UBP1: variants seen among roughly 807,000 people sequenced by gnomAD.
UBP1 encodes the protein upstream-binding protein 1.
In UBP1, 22 loss-of-function variants were observed where a neutral mutation model predicts 76.1. The ratio of observed to expected loss-of-function variants is 0.29; its 90% CI spans 0.21 to 0.41. The LOEUF (loss-of-function observed/expected upper bound fraction) is 0.41. Ranked by LOEUF, UBP1 falls within the 10% of genes least tolerant of loss-of-function variation. The pLI, the probability that UBP1 is intolerant of heterozygous loss-of-function variation, is 1.00. For synonymous variants in UBP1, 224 were observed against 237.1 expected (o/e 0.94, Z 0.51); for missense variants, 436 against 668.1 (o/e 0.65, Z 3.83).
intron 3 of UBP1, among the ~76,000 whole-genome samples, chr3:33,416,396 A>G (rs778060421): frequency 1.1e-4 from 17 of 152,190 alleles, no homozygotes; most frequent in East Asian, 3.9e-4. Flanking sequence ...AGAGATTTCT[A>G]TTTTTTAAAT....
chr3:33,425,036 C>T (rs2044988725), intron 2 of UBP1, among the ~76,000 whole-genome samples: 1 of 151,964 alleles, frequency 6.6e-6, no homozygotes, highest in South Asian at 2.1e-4. Context: ...TAGAGCAAAA[C>T]TCAGTCTCAA....
chr3:33,391,879 C>A (rs2043780036), intron 15 of UBP1: 1 of 152,500 alleles, frequency 6.6e-6, no homozygotes. Flanking sequence ...GAACTACCAT[C>A]ATCATCCGGT....
chr3:33,425,917 T>C (rs2045002931), intron 1 of UBP1, among the ~76,000 whole-genome samples, 176 bp from the exon 2 acceptor site: 2 of 148,264 alleles, frequency 1.3e-5, no homozygotes. Flanking sequence ...CTATGAATGC[T>C]ATGTGGTTCA....
chr3:33,407,173 A>G (rs1020206027), intron 8 of UBP1, among the ~76,000 whole-genome samples: 1 of 152,238 alleles, frequency 6.6e-6, no homozygotes, highest in Non-Finnish European at 1.5e-5. Flanking sequence ...GAACAAAATC[A>G]AATACAGCCA....
At chr3:33,398,357 G>A (rs914201781) in intron 11 of UBP1, 1 of 152,188 alleles carries the variant, frequency 6.6e-6, no homozygotes, top group African/African-American at 2.4e-5. Flanking sequence ...CATTAATAGA[G>A]TCATTTTATA....
At chr3:33,420,928 G>A (rs746467608) in intron 2 of UBP1, among the ~76,000 whole-genome samples, 23 of 152,110 alleles carry the variant, frequency 1.5e-4, no homozygotes, top group Non-Finnish European at 2.6e-4. Flanking sequence ...TCTTAGCAGC[G>A]TATTCTCCAA....
chr3:33,433,498 C>T (rs963501186), intron 1 of UBP1, among the ~76,000 whole-genome samples: 13 of 148,434 alleles, frequency 8.8e-5, no homozygotes, highest in African/African-American at 3.2e-4. Flanking sequence ...ACTAAAAATA[C>T]AAAAATCAGC....
chr3:33,437,544 G>C (rs752745526), intron 1 of UBP1, among the ~76,000 whole-genome samples: 7 of 152,176 alleles, frequency 4.6e-5, no homozygotes, highest in Non-Finnish European at 1.0e-4. Context: ...CATCCAAAAA[G>C]CAAATACAGT....
intron 2 of UBP1, among the ~76,000 whole-genome samples, chr3:33,421,040 AG>A (rs149425122): frequency 6.6e-6 from 1 of 152,230 alleles, no homozygotes; most frequent in Non-Finnish European, 1.5e-5. Flanking sequence ...CAAGTCAGCA[AG>A]GGGGTAAGAT....
chr3:33,422,912 G>C (rs931514011), intron 2 of UBP1, among the ~76,000 whole-genome samples: 19 of 152,166 alleles, frequency 1.2e-4, no homozygotes, highest in African/African-American at 4.3e-4. Context: ...TAAATGCTAA[G>C]ATACAGTCTG....
chr3:33,431,433 G>A (rs1350417065), intron 1 of UBP1, among the ~76,000 whole-genome samples: 2 of 152,026 alleles, frequency 1.3e-5, no homozygotes, highest in African/African-American at 4.8e-5. Flanking sequence ...AAACTCACAA[G>A]CCAGTACAGC....
chr3:33,425,750 C>CA lies in UBP1; in HGVS notation c.114-10dup, dbSNP rs751843937. The CA allele has an allele frequency of 8.3e-6, 13 of 1,565,724 alleles. No individual in the cohort carries two copies. The highest frequency in any genetic ancestry group is 1.7e-4 in the Middle Eastern group (1 of 5,900). On this transcript the variant is annotated splice_polypyrimidine_tract_variant and intron_variant, in intron 1 of 15. Coordinates refer to ENST00000283629, the MANE Select transcript of UBP1 (RefSeq NM_014517.5). ...GCAATGCCAAGACATCACTGAAAAG[C>CA]AAAAAATCAACACTGACCTTACTTT...
upstream of UBP1, chr3:33,441,358 C>A (rs555842126): frequency 6.6e-6 from 1 of 152,400 alleles, no homozygotes; most frequent in African/African-American, 2.4e-5. Context: ...AAGGCCCGGG[C>A]TTCGCCCTGC....
chr3:33,416,610 C>T (rs2044735238), intron 3 of UBP1, 148 bp downstream of exon 3: 1 of 576,486 alleles, frequency 1.7e-6, no homozygotes, highest in Non-Finnish European at 3.0e-6. Context: ...GCTATAATTC[C>T]CATTTTACAG....
intron 5 of UBP1, among the ~76,000 whole-genome samples, chr3:33,409,932 C>G (rs1280911413): frequency 6.6e-6 from 1 of 152,188 alleles, no homozygotes; most frequent in Non-Finnish European, 1.5e-5. Flanking sequence ...GTCTGCTCAT[C>G]TCAGACCCAG....
At chr3:33,418,505 C>T (rs1301008890) in intron 2 of UBP1, among the ~76,000 whole-genome samples, 4 of 151,916 alleles carry the variant, frequency 2.6e-5, no homozygotes, top group Non-Finnish European at 4.4e-5. Flanking sequence ...GTGATTCACC[C>T]GCCTCAGCCT....
At chr3:33,416,856 A>T in intron 2 of UBP1, 22 bp from the exon 3 acceptor site, 1 of 1,586,890 alleles carries the variant, frequency 6.3e-7, no homozygotes, top group Non-Finnish European at 8.6e-7. Flanking sequence ...AATTGTGTAT[A>T]AAAAACAATC....
At chr3:33,403,905 C>A (rs1238900868) in intron 8 of UBP1, among the ~76,000 whole-genome samples, 2 of 152,184 alleles carry the variant, frequency 1.3e-5, no homozygotes, top group Admixed American at 6.5e-5. Context: ...ATCCTTCTCT[C>A]ATTTTACACA....
At chr3:33,426,065 T>A in intron 1 of UBP1, among the ~76,000 whole-genome samples, 1 of 136,774 alleles carries the variant, frequency 7.3e-6, no homozygotes, top group South Asian at 2.3e-4. Flanking sequence ...CTTTTAAAAC[T>A]TTAAGGTCCA....
Sources: allele counts gnomAD v4.1 joint callset (sites outside exome capture counted in the v4.1 genomes callset), GRCh38; gene constraint gnomAD v4.1.1; transcripts MANE v1.5; gene names NCBI Gene and HGNC (gene_info 2026-07-23, HGNC 2026-07-21).